CPQ: variants seen among roughly 807,000 people sequenced by gnomAD.
The protein encoded by CPQ is carboxypeptidase Q, also known as Ser-Met dipeptidase.
A neutral mutation model predicts 45.7 loss-of-function variants in CPQ; 37 were observed. That is an observed-to-expected ratio of 0.81 (90% CI 0.62 to 1.07). CPQ has a LOEUF of 1.07. Ranked by LOEUF, CPQ falls within the 50% of genes least tolerant of loss-of-function variation. The pLI is 0.00. For synonymous variants in CPQ, 186 were observed against 205.8 expected, an observed-to-expected ratio of 0.90 and a Z score of 0.82; for missense variants, 537 against 572.9, an observed-to-expected ratio of 0.94 and a Z score of 0.64.
At chr8:96,715,061 C>CATTTTAAT (rs1185235075) in intron 1 of CPQ, among the ~76,000 whole-genome samples, 1 of 151,768 alleles carries the variant, frequency 6.6e-6, no homozygotes, top group Non-Finnish European at 1.5e-5. Flanking sequence ...GTGATGTGCA[C>CATTTTAAT]ATTTTAATTT....
intron 3 of CPQ, among the ~76,000 whole-genome samples, chr8:96,843,900 G>C (rs1355332241): frequency 6.6e-6 from 1 of 152,166 alleles, no homozygotes; most frequent in African/African-American, 2.4e-5. Flanking sequence ...TTGTGGGGCT[G>C]CTATAATTAA....
At chr8:96,662,110 G>A (rs1815708100) in intron 1 of CPQ, among the ~76,000 whole-genome samples, 1 of 152,074 alleles carries the variant, frequency 6.6e-6, no homozygotes, top group Non-Finnish European at 1.5e-5. Context: ...AGGTCTTTGG[G>A]TCATTTTTTA....
intron 6 of CPQ, among the ~76,000 whole-genome samples, chr8:97,041,359 G>C (rs1810121143): frequency 1.3e-5 from 2 of 152,120 alleles, no homozygotes; most frequent in African/African-American, 4.8e-5. Flanking sequence ...TGCTGAAGTT[G>C]CTTATCAGCT....
chr8:96,798,558 T>G (rs1263957622), intron 2 of CPQ, among the ~76,000 whole-genome samples: 1 of 152,130 alleles, frequency 6.6e-6, no homozygotes. Flanking sequence ...TTCAGCCACA[T>G]GGGGTCTATT....
At chr8:96,773,318 T>C (rs1810569442) in intron 1 of CPQ, among the ~76,000 whole-genome samples, 1 of 152,216 alleles carries the variant, frequency 6.6e-6, no homozygotes, top group Non-Finnish European at 1.5e-5. Flanking sequence ...AAGTAAAATA[T>C]TATCGCCATT....
intron 2 of CPQ, among the ~76,000 whole-genome samples, chr8:96,791,315 G>T (rs1040572797): frequency 4.6e-5 from 7 of 152,140 alleles, no homozygotes; most frequent in African/African-American, 1.4e-4. Flanking sequence ...AGCTGAAGCA[G>T]ATCTGTTTCA....
At chr8:97,020,058 A>G (rs553565442) in intron 5 of CPQ, among the ~76,000 whole-genome samples, 88 of 152,290 alleles carry the variant, frequency 5.8e-4, no homozygotes, top group African/African-American at 2.0e-3. Flanking sequence ...AAAACTGGAA[A>G]TCAACTCCAG....
chr8:97,075,124 G>A (rs966829360), intron 7 of CPQ, among the ~76,000 whole-genome samples: 3 of 152,110 alleles, frequency 2.0e-5, no homozygotes, highest in African/African-American at 7.2e-5. Flanking sequence ...TAAAGGGAAC[G>A]AGGAGCTTGA....
intron 6 of CPQ, among the ~76,000 whole-genome samples, chr8:97,037,031 C>G (rs1810017277): frequency 6.6e-6 from 1 of 152,136 alleles, no homozygotes; most frequent in African/African-American, 2.4e-5. Flanking sequence ...AACTCTAAAA[C>G]TGAAAAAGCA....
At chr8:96,716,397 G>A (rs576110454) in intron 1 of CPQ, among the ~76,000 whole-genome samples, 1 of 152,126 alleles carries the variant, frequency 6.6e-6, no homozygotes, top group East Asian at 1.9e-4. Context: ...GTTCTTTAGT[G>A]GTGATATCTG....
intron 4 of CPQ, among the ~76,000 whole-genome samples, chr8:96,905,690 T>G (rs1413494473): frequency 1.3e-5 from 2 of 151,940 alleles, no homozygotes; most frequent in African/African-American, 4.8e-5. Flanking sequence ...GCTTTGGGGT[T>G]TCTTTGACTT....
At chr8:96,756,098 T>C (rs1810323299) in intron 1 of CPQ, among the ~76,000 whole-genome samples, 1 of 152,094 alleles carries the variant, frequency 6.6e-6, no homozygotes, top group Non-Finnish European at 1.5e-5. Flanking sequence ...TTAGTAACTA[T>C]AGACTTTATC....
At chr8:96,665,879 A>G (rs769182768) in intron 1 of CPQ, among the ~76,000 whole-genome samples, 42 of 152,106 alleles carry the variant, frequency 2.8e-4, no homozygotes, top group South Asian at 1.0e-3. Context: ...TTTTAAATGT[A>G]GGTTTTATTA....
intron 4 of CPQ, among the ~76,000 whole-genome samples, chr8:96,957,379 G>A (rs982486335): frequency 6.6e-6 from 1 of 152,140 alleles, no homozygotes; most frequent in African/African-American, 2.4e-5. Context: ...GAATCTGTCA[G>A]CTTATAGATC....
intron 4 of CPQ, among the ~76,000 whole-genome samples, chr8:96,961,525 A>C (rs1813461216): frequency 6.6e-6 from 1 of 152,186 alleles, no homozygotes; most frequent in Non-Finnish European, 1.5e-5. Context: ...TCTCTTGATG[A>C]ACATAAAGCC....
chr8:96,706,014 C>T (rs894614462), intron 1 of CPQ, among the ~76,000 whole-genome samples: 2 of 152,124 alleles, frequency 1.3e-5, no homozygotes, highest in Non-Finnish European at 2.9e-5. Context: ...TGGCTAGGTG[C>T]CTCTGCTACT....
intron 1 of CPQ, among the ~76,000 whole-genome samples, chr8:96,745,746 A>C (rs1365369644): frequency 6.6e-6 from 1 of 152,238 alleles, no homozygotes; most frequent in African/African-American, 2.4e-5. Context: ...GTAAATACCA[A>C]ATGAAGGAAG....
chr8:97,093,348 A>G (rs1224348380), intron 7 of CPQ, among the ~76,000 whole-genome samples: 2 of 152,246 alleles, frequency 1.3e-5, no homozygotes, highest in Non-Finnish European at 2.9e-5. Flanking sequence ...TTGTTCTACC[A>G]TAAAGACACA....
At chr8:96,800,575 G>A (rs1003304048) in intron 2 of CPQ, among the ~76,000 whole-genome samples, 1 of 152,168 alleles carries the variant, frequency 6.6e-6, no homozygotes, top group African/African-American at 2.4e-5. Flanking sequence ...CTATGTGGGA[G>A]AGTGGACATA....
Sources: gnomAD v4.1 joint callset for allele counts (sites outside exome capture counted in the v4.1 genomes callset) on GRCh38, gnomAD v4.1.1 for gene constraint, MANE v1.5 for transcripts, NCBI Gene and HGNC (gene_info 2026-07-23, HGNC 2026-07-21) for gene names.